The following LRRC4C variants were observed in gnomAD, a reference collection of about 807,000 sequenced individuals.
LRRC4C encodes the protein leucine-rich repeat-containing protein 4C.
A neutral mutation model predicts 33.6 loss-of-function variants in LRRC4C; 5 were observed. The observed-to-expected ratio is 0.15, with a 90% CI of 0.08 to 0.31. LRRC4C has a LOEUF of 0.31. Ranked by LOEUF, LRRC4C falls within the 10% of genes least tolerant of loss-of-function variation. The pLI is 1.00. For synonymous variants in LRRC4C, 329 were observed against 302.0 expected (o/e 1.09, Z -0.93); for missense variants, 560 against 796.7 (o/e 0.70, Z 3.58).
At chr11:40,675,212 G>T (rs1944336889) in intron 2 of LRRC4C, among the ~76,000 whole-genome samples, 1 of 152,040 alleles carries the variant, frequency 6.6e-6, no homozygotes, top group Non-Finnish European at 1.5e-5. Flanking sequence ...AGGTGGGGCG[G>T]AAAAGCCAAG....
chr11:40,539,679 C>A (rs1159868634), intron 3 of LRRC4C, among the ~76,000 whole-genome samples: 2 of 152,014 alleles, frequency 1.3e-5, no homozygotes, highest in Non-Finnish European at 2.9e-5. Flanking sequence ...GGCAGAATGT[C>A]AAGATAGATG....
At chr11:41,011,504 G>T (rs534569943) in intron 1 of LRRC4C, among the ~76,000 whole-genome samples, 2 of 152,000 alleles carry the variant, frequency 1.3e-5, no homozygotes, top group Admixed American at 6.6e-5. Flanking sequence ...TTTGTTATTT[G>T]CACTATAAAG....
chr11:41,210,216 G>A (rs1450172397), intron 1 of LRRC4C, among the ~76,000 whole-genome samples: 1 of 152,126 alleles, frequency 6.6e-6, no homozygotes, highest in African/African-American at 2.4e-5. Flanking sequence ...TAACTGATAT[G>A]GTTTGAGTGT....
At chr11:41,385,874 C>A (rs955667735) in intron 1 of LRRC4C, among the ~76,000 whole-genome samples, 1 of 151,500 alleles carries the variant, frequency 6.6e-6, no homozygotes, top group Non-Finnish European at 1.5e-5. Flanking sequence ...GATGATTTTT[C>A]ATGAGTTTCA....
chr11:40,233,963 C>A (rs552187406), intron 5 of LRRC4C, among the ~76,000 whole-genome samples: 10 of 152,122 alleles, frequency 6.6e-5, no homozygotes, highest in Non-Finnish European at 1.0e-4. Context: ...TTAAGCCTCA[C>A]GAAAACTCTA....
intron 1 of LRRC4C, among the ~76,000 whole-genome samples, chr11:40,972,146 T>G (rs971369374): frequency 2.0e-5 from 3 of 151,474 alleles, no homozygotes; most frequent in Non-Finnish European, 4.4e-5. Flanking sequence ...ATTTTTTTTT[T>G]TTTTTTTTGA....
At chr11:41,069,133 G>A (rs1388710621) in intron 1 of LRRC4C, among the ~76,000 whole-genome samples, 1 of 152,132 alleles carries the variant, frequency 6.6e-6, no homozygotes, top group Admixed American at 6.6e-5. Context: ...ATCAATAAAT[G>A]TAATCCACCA....
chr11:41,423,029 ATAT>A (rs1216531446), intron 1 of LRRC4C, among the ~76,000 whole-genome samples: 1 of 152,142 alleles, frequency 6.6e-6, no homozygotes, highest in Non-Finnish European at 1.5e-5. Flanking sequence ...AGAGATGCAA[ATAT>A]TATACAAATA....
chr11:40,459,022 G>A (rs1476616952), intron 3 of LRRC4C, among the ~76,000 whole-genome samples: 1 of 152,070 alleles, frequency 6.6e-6, no homozygotes, highest in African/African-American at 2.4e-5. Flanking sequence ...GAGATAAAAT[G>A]CACACACATA....
chr11:40,413,315 A>G (rs1314789067), intron 3 of LRRC4C, among the ~76,000 whole-genome samples: 2 of 152,068 alleles, frequency 1.3e-5, no homozygotes, highest in Non-Finnish European at 2.9e-5. Context: ...AGAGGATACA[A>G]TGCATTCACA....
intron 5 of LRRC4C, among the ~76,000 whole-genome samples, chr11:40,228,607 T>C (rs1864977758): frequency 6.6e-6 from 1 of 152,236 alleles, no homozygotes; most frequent in African/African-American, 2.4e-5. Context: ...CATATTTTCC[T>C]AAAGCGCTCC....
At chr11:41,440,503 A>G (rs75907416) in intron 1 of LRRC4C, among the ~76,000 whole-genome samples, 2,842 of 152,260 alleles carry the variant, frequency 0.019, 96 homozygotes, top group African/African-American at 0.065. Flanking sequence ...AAAAAGCACA[A>G]ATCAAATGAC....
chr11:40,836,612 G>A (rs938437107), intron 2 of LRRC4C, among the ~76,000 whole-genome samples: 2 of 152,192 alleles, frequency 1.3e-5, no homozygotes, highest in African/African-American at 4.8e-5. Flanking sequence ...AAGGAGAAAA[G>A]TCCTGTGTCC....
chr11:41,328,545 T>C (rs1386044260), intron 1 of LRRC4C, among the ~76,000 whole-genome samples: 1 of 152,060 alleles, frequency 6.6e-6, no homozygotes, highest in Non-Finnish European at 1.5e-5. Context: ...CCTTACTGAG[T>C]TGCTAATCTT....
At chr11:40,357,319 G>C (rs1947715741) in intron 3 of LRRC4C, among the ~76,000 whole-genome samples, 1 of 152,072 alleles carries the variant, frequency 6.6e-6, no homozygotes, top group South Asian at 2.1e-4. Flanking sequence ...AGGAGAACAG[G>C]GGCGTGCTTT....
chr11:41,186,082 C>T (rs969055850), intron 1 of LRRC4C, among the ~76,000 whole-genome samples: 2 of 151,892 alleles, frequency 1.3e-5, no homozygotes, highest in Non-Finnish European at 2.9e-5. Flanking sequence ...AGATAAATGA[C>T]ATGAATGTAG....
chr11:41,310,372 C>T (rs1203244413), intron 1 of LRRC4C, among the ~76,000 whole-genome samples: 2 of 152,202 alleles, frequency 1.3e-5, no homozygotes, highest in East Asian at 3.8e-4. Flanking sequence ...GTTTCTCTTT[C>T]TGGAGAGAAA....
chr11:41,028,002 G>C (rs1008960802), intron 1 of LRRC4C, among the ~76,000 whole-genome samples: 8 of 150,340 alleles, frequency 5.3e-5, no homozygotes, highest in African/African-American at 2.0e-4. Flanking sequence ...AGGAAGGTAG[G>C]CTGCATGAGG....
intron 5 of LRRC4C, among the ~76,000 whole-genome samples, chr11:40,148,850 T>C (rs550648025): frequency 6.6e-6 from 1 of 152,314 alleles, no homozygotes; most frequent in African/African-American, 2.4e-5. Flanking sequence ...CTTGAGTTAA[T>C]TTTTGTATAT....
Sources: gnomAD v4.1 joint callset for allele counts (sites outside exome capture counted in the v4.1 genomes callset) on GRCh38, gnomAD v4.1.1 for gene constraint, MANE v1.5 for transcripts, NCBI Gene and HGNC (gene_info 2026-07-23, HGNC 2026-07-21) for gene names.